Variants in WDR41 observed in about 807,000 individuals in gnomAD.
WDR41 encodes WD repeat domain 41, also known as WD repeat-containing protein 41.
WDR41 carries 63 observed loss-of-function variants against 69.3 expected under a neutral mutation model. The ratio of observed to expected loss-of-function variants is 0.91; its 90% CI spans 0.74 to 1.12. The LOEUF (loss-of-function observed/expected upper bound fraction) is 1.12, where lower values mean the gene tolerates loss of function less well. Ranked by LOEUF, WDR41 falls within the 50% of genes most tolerant of loss-of-function variation. The pLI is 0.00. For synonymous variants in WDR41, 185 were observed against 192.1 expected, an observed-to-expected ratio of 0.96 and a Z score of 0.31; for missense variants, 543 against 534.5, an observed-to-expected ratio of 1.02 and a Z score of -0.16.
intron 2 of WDR41, among the ~76,000 whole-genome samples, chr5:77,465,888 T>C (rs1197230924): frequency 2.6e-5 from 4 of 152,112 alleles, no homozygotes; most frequent in Middle Eastern, 3.4e-3. Context: ...AGTCATGAAA[T>C]ACTTTCCTTA....
chr5:77,471,474 T>A (rs1800606134), intron 2 of WDR41, among the ~76,000 whole-genome samples: 1 of 151,986 alleles, frequency 6.6e-6, no homozygotes, highest in South Asian at 2.1e-4. Flanking sequence ...TTCAAAAAAT[T>A]AATGAATCCC....
At position 77,517,631 on chromosome 5, in the gene WDR41, C is replaced by CATATATATATATATAT. The variant is rs34773798; in HGVS notation, c.43-28075_43-28060dup. On this transcript the variant is annotated intron_variant, in intron 1 of 5. Transcript: ENST00000509971. ...TTGACATTTATTCATATTTATTGAA[C>CATATATATATATATAT]ATATATATATATATATATATATATA... Among the ~76,000 whole-genome samples, 527 of 141,084 alleles carry CATATATATATATATAT rather than the reference C, an allele frequency of 3.7e-3. 2 individuals are homozygous for CATATATATATATATAT. The highest frequency in any genetic ancestry group is 0.011 in the African/African-American group (409 of 37,506). 92.6% of individuals were successfully genotyped at this position (141,084 alleles called of 152,430 possible). A position where few individuals can be genotyped will look rare whatever the true frequency, so the allele number is the denominator to read the frequency against.
At chr5:77,547,512 C>A (rs1044662787) in intron 1 of WDR41, among the ~76,000 whole-genome samples, 3 of 151,210 alleles carry the variant, frequency 2.0e-5, no homozygotes, top group African/African-American at 7.3e-5. Context: ...AACTCAACCC[C>A]TTTTACAGTA....
intron 1 of WDR41, among the ~76,000 whole-genome samples, chr5:77,567,538 AC>A (rs1430043315): frequency 6.6e-6 from 1 of 151,964 alleles, no homozygotes; most frequent in African/African-American, 2.4e-5. Flanking sequence ...GTTAGTGCAA[AC>A]CCCTCATTCT....
intron 1 of WDR41, among the ~76,000 whole-genome samples, chr5:77,593,358 T>C (rs1327051839): frequency 6.6e-6 from 1 of 151,998 alleles, no homozygotes; most frequent in Admixed American, 6.6e-5. Flanking sequence ...ACAGAAATTA[T>C]AGACTATAAG....
At chr5:77,498,119 A>G (rs1270142423) in intron 1 of WDR41, among the ~76,000 whole-genome samples, 1 of 152,228 alleles carries the variant, frequency 6.6e-6, no homozygotes, top group Non-Finnish European at 1.5e-5. Context: ...TTATTGAATG[A>G]GTACAGAGTT....
intron 1 of WDR41, among the ~76,000 whole-genome samples, chr5:77,612,318 A>G (rs952451058): frequency 1.5e-4 from 23 of 152,208 alleles, no homozygotes; most frequent in African/African-American, 4.8e-4. Flanking sequence ...CTGACACCCA[A>G]AACCAGGCAG....
At chr5:77,442,966 G>T (rs1384929960) in intron 8 of WDR41, among the ~76,000 whole-genome samples, 1 of 134,234 alleles carries the variant, frequency 7.4e-6, no homozygotes, top group African/African-American at 2.9e-5. Context: ...ATATTTAATA[G>T]AAAATGTACA....
At chr5:77,478,635 C>T (rs1255050940) in intron 2 of WDR41, among the ~76,000 whole-genome samples, 2 of 152,112 alleles carry the variant, frequency 1.3e-5, no homozygotes, top group Non-Finnish European at 2.9e-5. Context: ...ACACTTCATG[C>T]TAAAAATTCT....
chr5:77,483,327 C>A (rs1581757046), intron 2 of WDR41, among the ~76,000 whole-genome samples: 1 of 151,884 alleles, frequency 6.6e-6, no homozygotes, highest in African/African-American at 2.4e-5. Context: ...TTAATAGAGA[C>A]ATGGTTTTGC....
chr5:77,607,143 TATCAAACTATTATTAGATATTAG>T (rs1190544209), intron 1 of WDR41, among the ~76,000 whole-genome samples: 1 of 152,168 alleles, frequency 6.6e-6, no homozygotes, highest in Non-Finnish European at 1.5e-5. Flanking sequence ...AGAGTAATAT[TATCAAACTATTATTAGATATTAG>T]ATCAAACTAT....
chr5:77,532,998 T>G (rs761541267), intron 1 of WDR41, among the ~76,000 whole-genome samples: 1 of 152,178 alleles, frequency 6.6e-6, no homozygotes, highest in East Asian at 1.9e-4. Context: ...CTTCCTTGCA[T>G]GTATTTTGTA....
At chr5:77,532,284 G>A (rs1802538909) in intron 1 of WDR41, among the ~76,000 whole-genome samples, 1 of 151,936 alleles carries the variant, frequency 6.6e-6, no homozygotes, top group Non-Finnish European at 1.5e-5. Flanking sequence ...AAGTTCAGGG[G>A]GAAAAATGGA....
chr5:77,611,397 T>C (rs966646243), intron 1 of WDR41, among the ~76,000 whole-genome samples: 4 of 152,208 alleles, frequency 2.6e-5, no homozygotes, highest in African/African-American at 4.8e-5. Context: ...ATTGACCACA[T>C]AGTTGGAAGT....
intron 2 of WDR41, among the ~76,000 whole-genome samples, chr5:77,482,833 G>C (rs1305795403): frequency 2.0e-5 from 3 of 147,994 alleles, no homozygotes; most frequent in Non-Finnish European, 4.5e-5. Context: ...GGCACAGAAT[G>C]AGCTCTGTCC....
chr5:77,509,646 T>C (rs1308259083), intron 1 of WDR41, among the ~76,000 whole-genome samples: 1 of 152,120 alleles, frequency 6.6e-6, no homozygotes. Flanking sequence ...GAATAGGGAA[T>C]CTATAGAGAC....
intron 1 of WDR41, among the ~76,000 whole-genome samples, chr5:77,618,695 G>A (rs988319424): frequency 6.6e-6 from 1 of 152,034 alleles, no homozygotes; most frequent in South Asian, 2.1e-4. Flanking sequence ...TTGATGACTT[G>A]GGGAACTTTA....
chr5:77,549,244 T>C (rs1031969643), intron 1 of WDR41, among the ~76,000 whole-genome samples: 1 of 152,126 alleles, frequency 6.6e-6, no homozygotes, highest in Non-Finnish European at 1.5e-5. Context: ...AGCTTACTCA[T>C]GTAACAAATA....
At chr5:77,572,126 G>C (rs376391178) in intron 1 of WDR41, among the ~76,000 whole-genome samples, 1 of 152,058 alleles carries the variant, frequency 6.6e-6, no homozygotes, top group South Asian at 2.1e-4. Context: ...GGAGAAGAAG[G>C]TTCACTTTAT....
Sources: gnomAD v4.1 joint callset for allele counts (sites outside exome capture counted in the v4.1 genomes callset) on GRCh38, gnomAD v4.1.1 for gene constraint, MANE v1.5 for transcripts, NCBI Gene and HGNC (gene_info 2026-07-23, HGNC 2026-07-21) for gene names.